Variants in DENND1B observed in about 807,000 individuals in gnomAD.
DENND1B encodes the protein DENN domain containing 1B.
Under a neutral mutation model 90.1 loss-of-function variants are expected in DENND1B, and 59 were observed. The observed-to-expected ratio is 0.65, with a 90% CI of 0.53 to 0.81. DENND1B has a LOEUF of 0.81. DENND1B is among the 40% of genes least tolerant of loss of function. DENND1B has a pLI of 0.00. For synonymous variants in DENND1B, 337 were observed against 324.6 expected (o/e 1.04, Z -0.41); for missense variants, 862 against 912.6 (o/e 0.94, Z 0.71).
chr1:197,760,467 T>G (rs549300874), intron 2 of DENND1B, among the ~76,000 whole-genome samples: 161 of 151,860 alleles, frequency 1.1e-3, no homozygotes, highest in African/African-American at 3.7e-3. Flanking sequence ...CTGGGCAAAA[T>G]AGCAAAGCCC....
At chr1:197,578,408 C>A (rs1397104162) in intron 15 of DENND1B, among the ~76,000 whole-genome samples, 1 of 152,010 alleles carries the variant, frequency 6.6e-6, no homozygotes, top group Non-Finnish European at 1.5e-5. Flanking sequence ...CCTTGCCTGG[C>A]TAATTTTTGT....
chr1:197,726,986 A>G (rs1171879585), intron 2 of DENND1B, among the ~76,000 whole-genome samples: 1 of 152,250 alleles, frequency 6.6e-6, no homozygotes, highest in Non-Finnish European at 1.5e-5. Flanking sequence ...AAATGAAAGT[A>G]GAGATGTGAA....
chr1:197,537,649 ACAT>A (rs1670012452), intron 20 of DENND1B, among the ~76,000 whole-genome samples: 1 of 152,048 alleles, frequency 6.6e-6, no homozygotes, highest in African/African-American at 2.4e-5. Flanking sequence ...GTATATCAAA[ACAT>A]CATGTTATAC....
At chr1:197,759,697 C>T (rs185697652) in intron 2 of DENND1B, among the ~76,000 whole-genome samples, 49 of 143,276 alleles carry the variant, frequency 3.4e-4, no homozygotes, top group African/African-American at 1.2e-3. Context: ...GAGCTGGGAT[C>T]GCACCACTGC....
At chr1:197,550,547 C>T (rs1169008744) in intron 16 of DENND1B, among the ~76,000 whole-genome samples, 1 of 151,762 alleles carries the variant, frequency 6.6e-6, no homozygotes, top group Non-Finnish European at 1.5e-5. Flanking sequence ...TCGTTCTCAG[C>T]AAACTATCAC....
rs2125586847 is a variant in DENND1B, at chr1:197,508,641, CT to C, written c.*1818del. On this transcript the variant is annotated 3_prime_UTR_variant, in exon 23 of 23. Coordinates refer to ENST00000620048, the MANE Select transcript of DENND1B (RefSeq NM_001195215.2). ...CTAGGATTTTAGCTGAAATTATATT[CT>C]TTCAATAAATATTTAGAATATAGTC... The C allele has an allele frequency of 6.6e-6, 1 of 151,666 alleles. No homozygotes were observed. The highest frequency in any genetic ancestry group is 1.9e-4 in the East Asian group (1 of 5,134). The allele number at this position is 151,666 out of a possible 1,614,324, so 9.4% of individuals were successfully genotyped here. A position where few individuals can be genotyped will look rare whatever the true frequency, so the allele number is the denominator to read the frequency against.
At chr1:197,717,054 T>A (rs1182636143) in intron 2 of DENND1B, among the ~76,000 whole-genome samples, 2 of 151,928 alleles carry the variant, frequency 1.3e-5, no homozygotes, top group Non-Finnish European at 2.9e-5. Context: ...TTTCATTAAA[T>A]GAATTTTACC....
intron 2 of DENND1B, among the ~76,000 whole-genome samples, chr1:197,721,962 T>G (rs1393187884): frequency 2.0e-5 from 3 of 152,180 alleles, no homozygotes; most frequent in African/African-American, 7.2e-5. Flanking sequence ...ATACTGCCTA[T>G]TATTCCCTCT....
At chr1:197,718,044 G>A (rs142513052) in intron 2 of DENND1B, among the ~76,000 whole-genome samples, 45 of 152,100 alleles carry the variant, frequency 3.0e-4, no homozygotes, top group Middle Eastern at 3.4e-3. Flanking sequence ...AGAAGAATAT[G>A]TATGAAGAAA....
chr1:197,733,222 T>A (rs1024438496), intron 2 of DENND1B, among the ~76,000 whole-genome samples: 1 of 152,156 alleles, frequency 6.6e-6, no homozygotes, highest in Non-Finnish European at 1.5e-5. Context: ...TGGTCTGCAA[T>A]ATACACTCTT....
intron 12 of DENND1B, among the ~76,000 whole-genome samples, chr1:197,610,548 A>G (rs1328953297): frequency 2.7e-5 from 4 of 150,726 alleles, no homozygotes; most frequent in Non-Finnish European, 4.5e-5. Flanking sequence ...TATGTATCCT[A>G]TTAGATTCAT....
chr1:197,524,464 G>A (rs779994695), intron 20 of DENND1B, among the ~76,000 whole-genome samples: 1 of 152,132 alleles, frequency 6.6e-6, no homozygotes, highest in South Asian at 2.1e-4. Flanking sequence ...GCGGCACACT[G>A]TTCTGATCCT....
rs747851299 is a variant in DENND1B, at chr1:197,592,654, T to G, written c.1047+2554A>C. 1.3e-3 allele frequency among the ~76,000 whole-genome samples: 200 copies of G among 152,132 alleles called. 1 individual carries two copies. Among genetic ancestry groups the G allele is most frequent in the Admixed American group, 3.7e-3 (56 of 15,282 alleles). On this transcript the variant is annotated intron_variant, in intron 14 of 22. Coordinates refer to ENST00000620048, the MANE Select transcript of DENND1B (RefSeq NM_001195215.2). Reference sequence around the variant, plus strand: ...TGGAAGCCTGAGAAGCTTGGGACATTCGAAGCCACAGGCAGAATTCTCTGA... The same window carrying G: ...TGGAAGCCTGAGAAGCTTGGGACATGCGAAGCCACAGGCAGAATTCTCTGA...
At chr1:197,666,095 A>G (rs1266636569) in intron 5 of DENND1B, among the ~76,000 whole-genome samples, 1 of 152,184 alleles carries the variant, frequency 6.6e-6, no homozygotes, top group Non-Finnish European at 1.5e-5. Context: ...TGGTAAAGAT[A>G]TAAGAAAGTG....
intron 2 of DENND1B, among the ~76,000 whole-genome samples, chr1:197,772,329 C>T (rs1656728685): frequency 6.6e-6 from 1 of 152,168 alleles, no homozygotes; most frequent in South Asian, 2.1e-4. Context: ...TAACAACACA[C>T]CTGAAATTCA....
At chr1:197,546,191 A>G (rs926422230) in intron 17 of DENND1B, among the ~76,000 whole-genome samples, 1 of 152,108 alleles carries the variant, frequency 6.6e-6, no homozygotes, top group African/African-American at 2.4e-5. Context: ...TACACTTTCC[A>G]CCTTGTTCTT....
intron 9 of DENND1B, among the ~76,000 whole-genome samples, chr1:197,644,915 A>G (rs1680599548): frequency 6.6e-6 from 1 of 152,132 alleles, no homozygotes; most frequent in Admixed American, 6.5e-5. Flanking sequence ...CTTTTGATTG[A>G]GTTATTCCTA....
At chr1:197,705,430 T>C (rs1158833809) in intron 3 of DENND1B, among the ~76,000 whole-genome samples, 2 of 152,244 alleles carry the variant, frequency 1.3e-5, no homozygotes, top group Non-Finnish European at 1.5e-5. Context: ...CACCATTACA[T>C]GGTTAAGCGC....
rs375038816 is a variant in DENND1B, at chr1:197,725,646, G to C, written c.83-10572C>G. Among the ~76,000 whole-genome samples, 23 of 151,506 alleles carry C rather than the reference G, an allele frequency of 1.5e-4. 1 individual carries two copies. In the East Asian group the frequency reaches 3.1e-3, roughly 21 times the overall value. On this transcript the variant is annotated intron_variant, in intron 2 of 22. Transcript: ENST00000620048. ...AAAGACTATAGCCTTGAAAAAAAAA[G>C]TTATATTTGTTCATATGAAAAAAAA... is the stretch of plus-strand genomic sequence containing the variant.
Sources: gnomAD v4.1 joint callset for allele counts (sites outside exome capture counted in the v4.1 genomes callset) on GRCh38, gnomAD v4.1.1 for gene constraint, MANE v1.5 for transcripts, NCBI Gene and HGNC (gene_info 2026-07-23, HGNC 2026-07-21) for gene names.